The following PDZD2 variants were observed in gnomAD, a reference collection of about 807,000 sequenced individuals.
PDZD2 encodes PDZ domain containing 2, also known as PDZ domain-containing protein 2.
In PDZD2, 90 loss-of-function variants were observed where a neutral mutation model predicts 220.7. The observed-to-expected ratio is 0.41, with a 90% CI of 0.34 to 0.49. The LOEUF is 0.49. Ranked by LOEUF, PDZD2 falls within the 20% of genes least tolerant of loss-of-function variation. PDZD2 has a pLI of 0.28. For synonymous variants in PDZD2, 1,375 were observed against 1,450.5 expected (o/e 0.95, Z 1.18); for missense variants, 3,174 against 3,608.5 (o/e 0.88, Z 3.08).
At chr5:31,813,639 A>C (rs1398912747) in intron 2 of PDZD2, among the ~76,000 whole-genome samples, 20 of 152,308 alleles carry the variant, frequency 1.3e-4, no homozygotes, top group Non-Finnish European at 5.9e-5. Context: ...GCTACATACC[A>C]GTAGAAAAAC....
intron 1 of PDZD2, among the ~76,000 whole-genome samples, chr5:31,649,873 G>A (rs1745281345): frequency 6.9e-6 from 1 of 144,298 alleles, no homozygotes; most frequent in East Asian, 2.1e-4. Flanking sequence ...GGGAGGCGGA[G>A]GTTGCAGTAA....
At chr5:31,714,095 G>A (rs389870) in intron 1 of PDZD2, among the ~76,000 whole-genome samples, 19,364 of 152,256 alleles carry the variant, frequency 0.13, 1,691 homozygotes, top group East Asian at 0.34. Flanking sequence ...CAAGCATCAG[G>A]AGAAGATTTG....
chr5:31,735,167 G>T (rs1313434614), intron 1 of PDZD2, among the ~76,000 whole-genome samples: 2 of 152,188 alleles, frequency 1.3e-5, no homozygotes, highest in Non-Finnish European at 1.5e-5. Flanking sequence ...CAAGATTGGT[G>T]GGAGAGTGCA....
intron 1 of PDZD2, among the ~76,000 whole-genome samples, chr5:31,792,012 AC>A (rs2150221594): frequency 6.6e-6 from 1 of 152,290 alleles, no homozygotes; most frequent in East Asian, 1.9e-4. Context: ...GTGTAACCCT[AC>A]CCAACAATTT....
At chr5:31,921,963 T>C (rs1744301205) in intron 2 of PDZD2, among the ~76,000 whole-genome samples, 1 of 152,176 alleles carries the variant, frequency 6.6e-6, no homozygotes. Context: ...AGAATTTGCA[T>C]TGTTACAGGC....
chr5:31,641,956 C>T (rs1413131205), intron 1 of PDZD2, among the ~76,000 whole-genome samples: 1 of 152,142 alleles, frequency 6.6e-6, no homozygotes, highest in Non-Finnish European at 1.5e-5. Context: ...ACCCCAGACC[C>T]CACTACCCCC....
At chr5:32,049,997 G>T (rs529262520) in intron 8 of PDZD2, among the ~76,000 whole-genome samples, 1 of 152,104 alleles carries the variant, frequency 6.6e-6, no homozygotes, top group Non-Finnish European at 1.5e-5. Flanking sequence ...TCAGTGGTGC[G>T]ACCTTGGCTC....
At chr5:31,975,995 A>G (rs888417766) in intron 2 of PDZD2, among the ~76,000 whole-genome samples, 1 of 151,704 alleles carries the variant, frequency 6.6e-6, no homozygotes, top group African/African-American at 2.4e-5. Flanking sequence ...GAGTCTCACT[A>G]TGCTGCTCAG....
chr5:31,731,325 A>G (rs1014306609), intron 1 of PDZD2, among the ~76,000 whole-genome samples: 1 of 152,270 alleles, frequency 6.6e-6, no homozygotes, highest in Non-Finnish European at 1.5e-5. Context: ...TTTTATTTAT[A>G]TTTTTTTAAA....
At chr5:32,092,270 T>G in intron 20 of PDZD2, among the ~76,000 whole-genome samples, 1 of 109,210 alleles carries the variant, frequency 9.2e-6, no homozygotes, top group Admixed American at 1.1e-4. Flanking sequence ...TAAGACTCAA[T>G]CTCGAAAAAA....
rs541098214 is a variant in PDZD2, at chr5:31,849,097, G to T, written c.476+49373G>T. Among the ~76,000 whole-genome samples the T allele has an allele frequency of 3.3e-5, 5 of 152,286 alleles. No homozygotes were observed. In the East Asian group the frequency reaches 9.7e-4, roughly 29 times the overall value. ...TTCCTCTGTTTTGCTGGGAAAAGAT[G>T]ATTATTTCCCCAGGCAATGTAAACC... is the stretch of plus-strand genomic sequence containing the variant. On this transcript the variant is annotated intron_variant, in intron 2 of 24. Coordinates refer to ENST00000438447, the MANE Select transcript of PDZD2 (RefSeq NM_178140.4).
rs374716546 is a variant in PDZD2 at position 32,107,711 on chromosome 5, A to G, written c.8354-258A>G. ...AACCATTTGTTGATTAAATACATAGAGAGTATCTTCCCCTTGTCAGTTTAT... is the reference window on the plus strand; with the variant it reads ...AACCATTTGTTGATTAAATACATAGGGAGTATCTTCCCCTTGTCAGTTTAT... On this transcript the variant is annotated intron_variant, in intron 24 of 24. Transcript: ENST00000438447. Among the ~76,000 whole-genome samples the G allele has an allele frequency of 1.7e-4, 26 of 152,286 alleles. No homozygotes were observed. The East Asian group carries it at 5.0e-3, about 29-fold the overall frequency.
chr5:31,908,590 G>A lies in PDZD2; in HGVS notation c.477-74565G>A, dbSNP rs566951694. Reference sequence around the variant, plus strand: ...TACTGTCATGAACCATCACTTTCAGGAAACTAGCTTCACCAGAGAAGCCTA... The same window carrying A: ...TACTGTCATGAACCATCACTTTCAGAAAACTAGCTTCACCAGAGAAGCCTA... On this transcript the variant is annotated intron_variant, in intron 2 of 24. Transcript: ENST00000438447. The A allele has an allele frequency of 1.2e-4, 119 of 992,262 alleles. No individual in the cohort carries two copies. In the African/African-American group the frequency reaches 1.7e-3, roughly 14 times the overall value. The allele number at this position is 992,262 out of a possible 1,614,324, so 61.5% of individuals were successfully genotyped here.
At chr5:31,919,144 G>T (rs141927938) in intron 2 of PDZD2, among the ~76,000 whole-genome samples, 16 of 152,270 alleles carry the variant, frequency 1.1e-4, no homozygotes, top group South Asian at 2.1e-4. Context: ...CTGGAGAGTC[G>T]CTGTAACCAC....
At chr5:32,045,591 T>G (rs545792948) in intron 7 of PDZD2, among the ~76,000 whole-genome samples, 131 of 151,558 alleles carry the variant, frequency 8.6e-4, no homozygotes, top group Non-Finnish European at 1.6e-3. Flanking sequence ...CCCAGCTGTT[T>G]TTTTTTTTTG....
At chr5:32,073,804 T>C in intron 17 of PDZD2, 28 bp from the exon 18 acceptor site, 2 of 1,518,322 alleles carry the variant, frequency 1.3e-6, no homozygotes, top group South Asian at 1.2e-5. Flanking sequence ...TCAATTTCAC[T>C]TGACTTTTCT....
chr5:32,076,058 G>T (rs1741256421), intron 18 of PDZD2, among the ~76,000 whole-genome samples: 1 of 152,178 alleles, frequency 6.6e-6, no homozygotes, highest in Non-Finnish European at 1.5e-5. Context: ...TGCTGAGGCA[G>T]GTGGATCACC....
At chr5:31,827,148 C>T (rs1440082773) in intron 2 of PDZD2, among the ~76,000 whole-genome samples, 2 of 152,088 alleles carry the variant, frequency 1.3e-5, no homozygotes, top group African/African-American at 4.8e-5. Flanking sequence ...AGGGGTGAAC[C>T]GGGAATCAGA....
intron 1 of PDZD2, among the ~76,000 whole-genome samples, chr5:31,753,547 G>A (rs1201424040): frequency 6.6e-6 from 1 of 152,214 alleles, no homozygotes; most frequent in African/African-American, 2.4e-5. Flanking sequence ...GTTGCAGTGG[G>A]CTGAGGTTGC....
Sources: allele counts gnomAD v4.1 joint callset (sites outside exome capture counted in the v4.1 genomes callset), GRCh38; gene constraint gnomAD v4.1.1; transcripts MANE v1.5; gene names NCBI Gene and HGNC (gene_info 2026-07-23, HGNC 2026-07-21).